The following ANO10 variants were observed in gnomAD, a reference collection of about 807,000 sequenced individuals.
ANO10 encodes anoctamin-10.
ANO10 carries 77 observed loss-of-function variants against 74.7 expected under a neutral mutation model. That is an observed-to-expected ratio of 1.03 (90% CI 0.86 to 1.25). ANO10 has a LOEUF of 1.25. ANO10 is among the 50% of genes most tolerant of loss of function. The pLI is 0.00. For missense variants in ANO10, 721 were observed against 778.1 expected (o/e 0.93, Z 0.87); for synonymous variants, 279 against 284.9 (o/e 0.98, Z 0.21).
chr3:43,534,749 G>A (rs2078629844), intron 11 of ANO10, among the ~76,000 whole-genome samples: 1 of 152,306 alleles, frequency 6.6e-6, no homozygotes, highest in African/African-American at 2.4e-5. Context: ...GAGCAACACA[G>A]CAGGCACTGC....
At chr3:43,598,399 A>T in intron 4 of ANO10, 133 bp downstream of exon 4, 1 of 878,642 alleles carries the variant, frequency 1.1e-6, no homozygotes, top group Non-Finnish European at 1.7e-6. Flanking sequence ...GAGGTTCCAA[A>T]GGGAAAAGAT....
rs79158438 is a variant in ANO10, at chr3:43,396,336, G to A, written c.1915-29362C>T. 7.7e-4 allele frequency among the ~76,000 whole-genome samples: 117 copies of A among 151,790 alleles called. 1 individual carries two copies. In the East Asian group the frequency reaches 0.016, roughly 21 times the overall value. On this transcript the variant is annotated intron_variant, in intron 12 of 12. Transcript: ENST00000292246. ...ATTATTTTTTCTTTCTTCGCTTCACGTTTGATAAGGTTTTTTTTTTGAGAT... is the reference window on the plus strand; with the variant it reads ...ATTATTTTTTCTTTCTTCGCTTCACATTTGATAAGGTTTTTTTTTTGAGAT...
Position 43,598,535 on chromosome 3 carries a change from A to G in ANO10, c.469T>C (p.Leu157=), listed in dbSNP as rs1357318640. Residue 157 remains leucine (L), a synonymous_variant, in exon 4 of 13, where the codon TTG becomes CTG. Transcript: ENST00000292246. ...ACTGGTTGACATAATGACTTACACA[A>G]TGATTTTCCTGGATACAACTTTGCC... is the stretch of plus-strand genomic sequence containing the variant. ...PQAKLYPGKS[L]LRRLLTSGIV... is the part of the protein sequence containing the mutation. 5.6e-6 allele frequency: 9 copies of G among 1,613,102 alleles called. No homozygotes were observed. Among genetic ancestry groups the G allele is most frequent in the Middle Eastern group, 3.3e-4 (2 of 6,052 alleles).
intron 11 of ANO10, among the ~76,000 whole-genome samples, chr3:43,513,651 C>T (rs1225303936): frequency 6.6e-6 from 1 of 152,186 alleles, no homozygotes; most frequent in African/African-American, 2.4e-5. Flanking sequence ...GCTAGGACTA[C>T]AGGCGCCTGC....
At chr3:43,413,530 C>G (rs1400798382) in intron 12 of ANO10, among the ~76,000 whole-genome samples, 1 of 151,840 alleles carries the variant, frequency 6.6e-6, no homozygotes, top group Non-Finnish European at 1.5e-5. Flanking sequence ...TCACCTTCAC[C>G]CAAGAGTAAA....
At position 43,438,143 on chromosome 3, in the gene ANO10, A is replaced by G. The variant is rs9882326; in HGVS notation, c.1798-5416T>C. On this transcript the variant is annotated intron_variant, in intron 11 of 12. Transcript: ENST00000292246. ...CTGGAGCTGAAGAATAACTGAATTA[A>G]CAAGTCACACCTAGGTATGATGGCT... Among the ~76,000 whole-genome samples the G allele has an allele frequency of 1.4e-3, 219 of 152,320 alleles. 1 individual carries two copies. Among genetic ancestry groups the G allele is most frequent in the African/African-American group, 5.1e-3 (211 of 41,592 alleles).
chr3:43,391,457 AG>A (rs986048418), intron 12 of ANO10, among the ~76,000 whole-genome samples: 11 of 152,182 alleles, frequency 7.2e-5, no homozygotes, highest in Admixed American at 2.0e-4. Flanking sequence ...TGCTGAATTT[AG>A]GGTTTATAGT....
chr3:43,428,360 C>T (rs1035255069), intron 12 of ANO10, among the ~76,000 whole-genome samples: 1 of 151,978 alleles, frequency 6.6e-6, no homozygotes, highest in African/African-American at 2.4e-5. Context: ...AACCCTGAAC[C>T]TTTAATTCTC....
At chr3:43,498,173 T>A (rs1299935468) in intron 11 of ANO10, among the ~76,000 whole-genome samples, 1 of 152,232 alleles carries the variant, frequency 6.6e-6, no homozygotes, top group East Asian at 1.9e-4. Context: ...AAAGTGTGTA[T>A]GTGCAGCAGG....
intron 12 of ANO10, among the ~76,000 whole-genome samples, chr3:43,425,128 T>C (rs2092878764): frequency 6.6e-6 from 1 of 152,104 alleles, no homozygotes; most frequent in Admixed American, 6.6e-5. Flanking sequence ...AATAGTCAAA[T>C]ACTTTAGCAC....
chr3:43,665,000 T>C (rs894991543), intron 1 of ANO10, among the ~76,000 whole-genome samples: 1 of 152,204 alleles, frequency 6.6e-6, no homozygotes, highest in Non-Finnish European at 1.5e-5. Context: ...AGAAATATCA[T>C]GTGAACCAGC....
chr3:43,433,479 TC>T (rs779641766), intron 11 of ANO10, among the ~76,000 whole-genome samples: 8 of 152,160 alleles, frequency 5.3e-5, no homozygotes, highest in Non-Finnish European at 1.0e-4. Flanking sequence ...GTGTCATGAA[TC>T]CTCTAATCCC....
intron 11 of ANO10, among the ~76,000 whole-genome samples, chr3:43,452,299 T>C (rs1006515623): frequency 2.0e-5 from 3 of 152,218 alleles, no homozygotes; most frequent in African/African-American, 7.2e-5. Context: ...ACATTTTCCT[T>C]GCACCCTCCA....
At chr3:43,625,828 T>C (rs976806050), upstream of ANO10, among the ~76,000 whole-genome samples, 9 of 152,336 alleles carry the variant, frequency 5.9e-5, no homozygotes, top group East Asian at 7.7e-4. Flanking sequence ...TTATTGGCCG[T>C]GAAAACTTCT....
intron 1 of ANO10, among the ~76,000 whole-genome samples, chr3:43,677,989 T>C (rs1212370383): frequency 6.6e-6 from 1 of 152,184 alleles, no homozygotes; most frequent in East Asian, 1.9e-4. Flanking sequence ...GCCAATTAAT[T>C]AACTACAGAT....
intron 11 of ANO10, among the ~76,000 whole-genome samples, chr3:43,528,345 G>T (rs1204759599): frequency 6.6e-6 from 1 of 151,730 alleles, no homozygotes; most frequent in Non-Finnish European, 1.5e-5. Context: ...ATAACCAGAT[G>T]AAAGTTATAA....
chr3:43,665,366 G>C (rs1345806269), intron 1 of ANO10, among the ~76,000 whole-genome samples: 1 of 152,084 alleles, frequency 6.6e-6, no homozygotes, highest in Non-Finnish European at 1.5e-5. Context: ...ACACACCAGG[G>C]CCTGTGGGGG....
chr3:43,556,737 T>C (rs186492605), intron 9 of ANO10, among the ~76,000 whole-genome samples: 64 of 152,326 alleles, frequency 4.2e-4, no homozygotes, highest in Non-Finnish European at 1.5e-5. Context: ...ACTGATAAAA[T>C]GTTATTTACT....
At chr3:43,672,439 G>C (rs1363916197) in intron 1 of ANO10, among the ~76,000 whole-genome samples, 1 of 152,164 alleles carries the variant, frequency 6.6e-6, no homozygotes, top group African/African-American at 2.4e-5. Flanking sequence ...ACTGAGGTGG[G>C]AGGATCGCTT....
Sources: allele counts gnomAD v4.1 joint callset (sites outside exome capture counted in the v4.1 genomes callset), GRCh38; gene constraint gnomAD v4.1.1; transcripts MANE v1.5; gene names NCBI Gene and HGNC (gene_info 2026-07-23, HGNC 2026-07-21).